ADGRV1: variants seen among roughly 807,000 people sequenced by gnomAD.
ADGRV1 encodes the protein G-protein coupled receptor 98.
ADGRV1 carries 359 observed loss-of-function variants against 596.2 expected under a neutral mutation model. The ratio of observed to expected loss-of-function variants is 0.60; its 90% CI spans 0.55 to 0.66. The LOEUF (loss-of-function observed/expected upper bound fraction) is 0.66. ADGRV1 is among the 30% of genes least tolerant of loss of function. The pLI, the probability that ADGRV1 is intolerant of heterozygous loss-of-function variation, is 0.00. For synonymous variants in ADGRV1, 2,681 were observed against 2,679.2 expected (o/e 1.00, Z -0.02); for missense variants, 7,274 against 7,575.6 (o/e 0.96, Z 1.48).
chr5:90,596,521 A>G (rs2152011868), intron 1 of ADGRV1, among the ~76,000 whole-genome samples: 1 of 152,092 alleles, frequency 6.6e-6, no homozygotes, highest in Non-Finnish European at 1.5e-5. Context: ...AGTGAACCAG[A>G]CTCCGTCTGC....
In ADGRV1 at chr5:90,791,239, T is replaced by C. The variant is rs1760037725; in HGVS notation, c.14410T>C (p.Ser4804Pro). The change falls in exon 70 of 90, where the codon TCA becomes CCA. Residue 4804 changes from serine to proline, a missense_variant. This residue lies in a region of ADGRV1 where 1,874 missense variants were observed against 1,970.2 expected (regional missense o/e 0.95). Transcript: ENST00000405460. ...AGATGTGGCTGTTGGGCTTCGAATA[T>C]CATCGGATCATAAAGAACAGCCGAT... ...FGDVAVGLRI[S>P]SDHKEQPIVT... 1 of 1,613,020 alleles carries C rather than the reference T, an allele frequency of 6.2e-7. No homozygotes were observed. The highest frequency in any genetic ancestry group is 1.3e-5 in the African/African-American group (1 of 75,036).
chr5:90,936,413 C>A (rs959919477), intron 83 of ADGRV1, among the ~76,000 whole-genome samples: 2 of 151,996 alleles, frequency 1.3e-5, no homozygotes, highest in East Asian at 3.8e-4. Flanking sequence ...AAAATGACAT[C>A]AATTGAATCT....
intron 21 of ADGRV1, among the ~76,000 whole-genome samples, chr5:90,672,028 C>A (rs941515814): frequency 1.3e-5 from 2 of 152,192 alleles, no homozygotes; most frequent in Admixed American, 1.3e-4. Context: ...CTTCATGCCA[C>A]CCCGCCAAAA....
intron 83 of ADGRV1, among the ~76,000 whole-genome samples, chr5:90,871,607 C>A (rs934177773): frequency 1.3e-5 from 2 of 152,192 alleles, no homozygotes; most frequent in Admixed American, 6.5e-5. Flanking sequence ...ATTTGTGAGG[C>A]AAATCCAGAC....
At chr5:90,832,464 A>C (rs1395627607) in intron 77 of ADGRV1, among the ~76,000 whole-genome samples, 1 of 152,056 alleles carries the variant, frequency 6.6e-6, no homozygotes, top group Non-Finnish European at 1.5e-5. Flanking sequence ...ATTTTTACTC[A>C]TAGAGTTCTT....
intron 85 of ADGRV1, among the ~76,000 whole-genome samples, chr5:91,025,115 TATTA>T (rs1783920774): frequency 1.3e-5 from 2 of 152,146 alleles, no homozygotes; most frequent in African/African-American, 2.4e-5. Context: ...ACCTGCCACA[TATTA>T]ATTACGGTAT....
At chr5:90,805,226 T>G in intron 71 of ADGRV1, 58 bp from the exon 72 acceptor site, 1 of 1,485,192 alleles carries the variant, frequency 6.7e-7, no homozygotes, top group Non-Finnish European at 9.3e-7. Flanking sequence ...AACCCATTCC[T>G]CAGAAAACAG....
At chr5:90,581,592 G>A (rs1203705029) in intron 1 of ADGRV1, among the ~76,000 whole-genome samples, 1 of 152,044 alleles carries the variant, frequency 6.6e-6, no homozygotes. Flanking sequence ...GTGAAATATT[G>A]TTGCCTGATC....
intron 24 of ADGRV1, 37 bp from the exon 25 acceptor site, chr5:90,676,043 T>G: frequency 6.5e-7 from 1 of 1,537,286 alleles, no homozygotes. Context: ...ATATACAGAA[T>G]GATTGTAATC....
At chr5:91,061,076 G>T (rs1344086817) in intron 85 of ADGRV1, among the ~76,000 whole-genome samples, 1 of 152,132 alleles carries the variant, frequency 6.6e-6, no homozygotes, top group African/African-American at 2.4e-5. Flanking sequence ...AAATCATTAG[G>T]TAACCAGCCT....
chr5:90,939,745 T>C (rs1287791702), intron 83 of ADGRV1, among the ~76,000 whole-genome samples: 2 of 152,176 alleles, frequency 1.3e-5, no homozygotes, highest in African/African-American at 4.8e-5. Context: ...TAATAATACC[T>C]GATACTTGAA....
intron 1 of ADGRV1, among the ~76,000 whole-genome samples, chr5:90,609,244 T>C (rs1211065925): frequency 6.6e-6 from 1 of 152,038 alleles, no homozygotes; most frequent in African/African-American, 2.4e-5. Context: ...GGGAGGCTTA[T>C]TTTTTACTGT....
At chr5:90,711,395 G>T in intron 41 of ADGRV1, 73 bp downstream of exon 41, 1 of 1,119,540 alleles carries the variant, frequency 8.9e-7, no homozygotes, top group East Asian at 2.6e-5. Context: ...GAATTACAGT[G>T]ATTTAGGTCC....
At chr5:90,824,201 G>T (rs543083018) in intron 76 of ADGRV1, among the ~76,000 whole-genome samples, 1 of 152,016 alleles carries the variant, frequency 6.6e-6, no homozygotes, top group African/African-American at 2.4e-5. Flanking sequence ...AATAGTCATG[G>T]CATGGCCACT....
At position 91,149,935 on chromosome 5, in the gene ADGRV1, C is replaced by A. The variant is rs78327896; in HGVS notation, c.18433-95C>A. On this transcript the variant is annotated intron_variant, in intron 87 of 89. Transcript: ENST00000405460. Reference sequence around the variant, plus strand: ...CAGCATGAGAATGGACCAATACAACCATGTTTATTCTTCAGCTACGGTAGC... The same window carrying A: ...CAGCATGAGAATGGACCAATACAACAATGTTTATTCTTCAGCTACGGTAGC... The A allele has an allele frequency of 3.9e-3, 3,812 of 987,220 alleles. 199 individuals carry two copies. In the East Asian group the frequency reaches 0.088, roughly 23 times the overall value. The allele number at this position is 987,220 out of a possible 1,614,324, so 61.2% of individuals were successfully genotyped here.
In ADGRV1 at chr5:90,702,478, T is replaced by C. The variant is rs569995205; in HGVS notation, c.8156-1187T>C. On this transcript the variant is annotated intron_variant, in intron 34 of 89. Transcript: ENST00000405460. Reference sequence around the variant, plus strand: ...TTGTTAAAATTGTGTTTAAATTTAGTATGAAAAATTATTTTGTTTTTAAAT... The same window carrying C: ...TTGTTAAAATTGTGTTTAAATTTAGCATGAAAAATTATTTTGTTTTTAAAT... 1.3e-4 allele frequency among the ~76,000 whole-genome samples: 20 copies of C among 152,072 alleles called. No homozygotes were observed. In the East Asian group the frequency reaches 3.3e-3, roughly 25 times the overall value.
chr5:90,912,742 C>T (rs1349696524), intron 83 of ADGRV1, among the ~76,000 whole-genome samples: 1 of 152,190 alleles, frequency 6.6e-6, no homozygotes, highest in African/African-American at 2.4e-5. Flanking sequence ...CTGGAAAGGA[C>T]ATGACTTTGT....
chr5:91,046,212 C>A (rs1172325388), intron 85 of ADGRV1, among the ~76,000 whole-genome samples: 5 of 152,044 alleles, frequency 3.3e-5, no homozygotes, highest in African/African-American at 4.8e-5. Flanking sequence ...AGAGCCAAAG[C>A]AAGACTAAGC....
At chr5:91,154,858 G>A (rs755785313) in intron 89 of ADGRV1, among the ~76,000 whole-genome samples, 3 of 152,090 alleles carry the variant, frequency 2.0e-5, no homozygotes, top group African/African-American at 4.8e-5. Flanking sequence ...AATAGCATAG[G>A]GTAAACTGCC....
Sources: gnomAD v4.1 joint callset for allele counts (sites outside exome capture counted in the v4.1 genomes callset) on GRCh38, gnomAD v4.1.1 for gene constraint, gnomAD v4.1.1 regional missense constraint, MANE v1.5 for transcripts, NCBI Gene and HGNC (gene_info 2026-07-23, HGNC 2026-07-21) for gene names.